The following ALKBH5 variants were observed in gnomAD, a reference collection of about 807,000 sequenced individuals.
The protein encoded by ALKBH5 is RNA demethylase ALKBH5.
In ALKBH5, 2 loss-of-function variants were observed where a neutral mutation model predicts 32.1. The observed-to-expected ratio is 0.06, with a 90% CI of 0.03 to 0.20. The LOEUF (loss-of-function observed/expected upper bound fraction) is 0.20. Among genes scored for constraint, ALKBH5 ranks in the 10% least tolerant of loss-of-function variants. The pLI is 1.00. For missense variants in ALKBH5, 352 were observed against 559.5 expected, an observed-to-expected ratio of 0.63 and a Z score of 3.74; for synonymous variants, 300 against 231.7, an observed-to-expected ratio of 1.29 and a Z score of -2.68.
Position 18,209,682 on chromosome 17 carries a change from T to C in ALKBH5, c.*1286T>C, listed in dbSNP as rs2047293365. On this transcript the variant is annotated 3_prime_UTR_variant, in exon 4 of 4. Transcript: ENST00000399138. Reference sequence around the variant, plus strand: ...GCAGAGGCCCTCCCAGCAACCAGGATACCACCACTTTGGGGGCTTTGTGTA... The same window carrying C: ...GCAGAGGCCCTCCCAGCAACCAGGACACCACCACTTTGGGGGCTTTGTGTA... 1 of 152,306 alleles carries C rather than the reference T, an allele frequency of 6.6e-6. No homozygotes were observed. Among genetic ancestry groups the C allele is most frequent in the Non-Finnish European group, 1.5e-5 (1 of 68,036 alleles). 9.4% of individuals were successfully genotyped at this position (152,306 alleles called of 1,614,324 possible).
intron 1 of ALKBH5, among the ~76,000 whole-genome samples, chr17:18,192,011 A>T (rs752133678): frequency 1.3e-5 from 2 of 151,852 alleles, no homozygotes; most frequent in African/African-American, 4.8e-5. Flanking sequence ...TTGTGTGTCT[A>T]TATGGGACAG....
intron 2 of ALKBH5, among the ~76,000 whole-genome samples, chr17:18,200,499 C>T (rs1344303362): frequency 6.6e-6 from 1 of 152,196 alleles, no homozygotes; most frequent in Non-Finnish European, 1.5e-5. Flanking sequence ...TCAAGTGGAA[C>T]TCAGCTCAGA....
Position 18,184,172 on chromosome 17 carries a change from G to A in ALKBH5, c.-72G>A, listed in dbSNP as rs1015914002. The A allele has an allele frequency of 5.2e-6, 7 of 1,339,370 alleles. No individual in the cohort carries two copies. The highest frequency in any genetic ancestry group is 6.0e-6 in the Non-Finnish European group (6 of 1,005,392). 83.0% of individuals were successfully genotyped at this position (1,339,370 alleles called of 1,614,324 possible). On this transcript the variant is annotated 5_prime_UTR_variant, in exon 1 of 4. Coordinates refer to ENST00000399138, the MANE Select transcript of ALKBH5 (RefSeq NM_017758.4). Reference sequence around the variant, plus strand: ...CCCCCCTCCCTCCGGGGGCCCCGGGGCGCGTCCCCTTAGAGCCATGCCCGG... The same window carrying A: ...CCCCCCTCCCTCCGGGGGCCCCGGGACGCGTCCCCTTAGAGCCATGCCCGG...
chr17:18,209,355 T>C lies in ALKBH5; in HGVS notation c.*959T>C, dbSNP rs2047291386. On this transcript the variant is annotated 3_prime_UTR_variant, in exon 4 of 4. Coordinates refer to ENST00000399138, the MANE Select transcript of ALKBH5 (RefSeq NM_017758.4). ...CCTGGCTTTTTCCTTTCCCTTCCCT[T>C]CTCCACTGGCCAGCTTGGGCCTCAT... The C allele has an allele frequency of 6.6e-6, 1 of 152,496 alleles. No homozygotes were observed. Among genetic ancestry groups the C allele is most frequent in the South Asian group, 2.1e-4 (1 of 4,808 alleles). 9.4% of individuals were successfully genotyped at this position (152,496 alleles called of 1,614,324 possible).
intron 1 of ALKBH5, among the ~76,000 whole-genome samples, chr17:18,187,101 A>G (rs916765372): frequency 1.3e-5 from 2 of 152,062 alleles, no homozygotes; most frequent in African/African-American, 4.8e-5. Context: ...TTCAAGCCCC[A>G]TGGAGGCCTC....
rs930965519 is a variant in ALKBH5 at position 18,188,275 on chromosome 17, T to A, written c.770+3262T>A. 3.3e-5 allele frequency among the ~76,000 whole-genome samples: 5 copies of A among 152,262 alleles called. No individual in the cohort carries two copies. The South Asian group carries it at 1.0e-3, about 31-fold the overall frequency. On this transcript the variant is annotated intron_variant, in intron 1 of 3. Transcript: ENST00000399138. ...ACTTCAAGGCTAATTGCTTACTTGCTGCTATCTTTAATCACTGCTACGTGG... is the reference window on the plus strand; with the variant it reads ...ACTTCAAGGCTAATTGCTTACTTGCAGCTATCTTTAATCACTGCTACGTGG...
At chr17:18,200,615 G>T (rs1017151735) in intron 2 of ALKBH5, among the ~76,000 whole-genome samples, 1 of 152,162 alleles carries the variant, frequency 6.6e-6, no homozygotes, top group African/African-American at 2.4e-5. Flanking sequence ...GTTTGTATGG[G>T]TTCCTATTCT....
chr17:18,208,683 G>A lies in ALKBH5; in HGVS notation c.*287G>A. On this transcript the variant is annotated 3_prime_UTR_variant, in exon 4 of 4. Coordinates refer to ENST00000399138, the MANE Select transcript of ALKBH5 (RefSeq NM_017758.4). Reference sequence around the variant, plus strand: ...AGTGGCCAGTAGAGGTGGTGGAGCAGAGCAGCCATCTTTTAAGTGGGGCTG... The same window carrying A: ...AGTGGCCAGTAGAGGTGGTGGAGCAAAGCAGCCATCTTTTAAGTGGGGCTG... The A allele has an allele frequency of 1.9e-6, 1 of 534,190 alleles. No individual in the cohort carries two copies. The highest frequency in any genetic ancestry group is 3.8e-5 in the East Asian group (1 of 26,536). The allele number at this position is 534,190 out of a possible 1,614,324, so 33.1% of individuals were successfully genotyped here. A position where few individuals can be genotyped will look rare whatever the true frequency, so the allele number is the denominator to read the frequency against.
chr17:18,200,906 A>G (rs1436912971), intron 2 of ALKBH5, among the ~76,000 whole-genome samples: 1 of 152,220 alleles, frequency 6.6e-6, no homozygotes, highest in Non-Finnish European at 1.5e-5. Context: ...AGAAATGTTA[A>G]GCGCGCTGGG....
chr17:18,206,593 A>G (rs2047270107), intron 2 of ALKBH5: 1 of 524,104 alleles, frequency 1.9e-6, no homozygotes, highest in African/African-American at 1.9e-5. Context: ...TCCAGACAGA[A>G]GTGTTCCCAT....
rs767263534 is a variant in ALKBH5, at chr17:18,194,961, T to C, written c.777T>C (p.Tyr259=). Residue 259 remains tyrosine (Y), a synonymous_variant, in exon 2 of 4, where the codon TAT becomes TAC. Transcript: ENST00000399138. ...GTTCTGTGTTTCTTTTCAGTGGATA[T>C]GCTGCTGATGAAATCACTCACTGCA... ...RRGSVTVLSG[Y]AADEITHCIR... The C allele has an allele frequency of 2.5e-6, 4 of 1,613,850 alleles. No homozygotes were observed. Among genetic ancestry groups the C allele is most frequent in the Non-Finnish European group, 3.4e-6 (4 of 1,179,956 alleles).
intron 1 of ALKBH5, among the ~76,000 whole-genome samples, chr17:18,190,288 G>T (rs962106581): frequency 2.0e-5 from 3 of 152,188 alleles, no homozygotes; most frequent in Admixed American, 6.5e-5. Flanking sequence ...GGTGGCTCAT[G>T]CCTGTAATCC....
At chr17:18,193,219 C>T (rs2047187405) in intron 1 of ALKBH5, among the ~76,000 whole-genome samples, 1 of 134,666 alleles carries the variant, frequency 7.4e-6, no homozygotes, top group Admixed American at 7.9e-5. Flanking sequence ...AAATTCTTGT[C>T]TAGGAGCAGC....
chr17:18,201,347 G>A (rs1041822266), intron 2 of ALKBH5, among the ~76,000 whole-genome samples: 5 of 152,230 alleles, frequency 3.3e-5, no homozygotes, highest in Admixed American at 3.3e-4. Context: ...GGGATCACCA[G>A]GAAGGTGACA....
chr17:18,188,769 C>G (rs2047155306), intron 1 of ALKBH5, among the ~76,000 whole-genome samples: 1 of 152,136 alleles, frequency 6.6e-6, no homozygotes, highest in South Asian at 2.1e-4. Flanking sequence ...ATAAATAGGC[C>G]ATAAAAATTT....
chr17:18,206,992 G>A, intron 3 of ALKBH5, 22 bp downstream of exon 3: 2 of 1,607,656 alleles, frequency 1.2e-6, no homozygotes, highest in Non-Finnish European at 1.7e-6. Flanking sequence ...AGGACCCTCA[G>A]CAAAGGCTGG....
chr17:18,196,861 A>G (rs928054671), intron 2 of ALKBH5, among the ~76,000 whole-genome samples: 2 of 151,148 alleles, frequency 1.3e-5, no homozygotes, highest in African/African-American at 4.9e-5. Flanking sequence ...GGATTGGTCT[A>G]CTCTCCTTCA....
chr17:18,208,382 A>G lies in ALKBH5; in HGVS notation c.1171A>G (p.Met391Val). The G allele has an allele frequency of 1.9e-6, 3 of 1,613,216 alleles. No homozygotes were observed. The highest frequency in any genetic ancestry group is 1.1e-5 in the South Asian group (1 of 91,066). Residue 391 changes from methionine (M) to valine (V), a missense_variant, in exon 4 of 4, where the codon ATG becomes GTG. Coordinates refer to ENST00000399138, the MANE Select transcript of ALKBH5 (RefSeq NM_017758.4). ...AAGSPARKVK[M>V]RRH ...AGGCAGCCCTGCCCGAAAGGTGAAG[A>G]TGCGGCGGCACTGAGTCTACCCGCC...
intron 2 of ALKBH5, among the ~76,000 whole-genome samples, chr17:18,198,657 C>T (rs1049775068): frequency 1.3e-5 from 2 of 152,168 alleles, no homozygotes; most frequent in African/African-American, 4.8e-5. Context: ...GGTGGAGACC[C>T]TGGGAGCTCT....
Sources: gnomAD v4.1 joint callset for allele counts (sites outside exome capture counted in the v4.1 genomes callset) on GRCh38, gnomAD v4.1.1 for gene constraint, MANE v1.5 for transcripts, NCBI Gene and HGNC (gene_info 2026-07-23, HGNC 2026-07-21) for gene names.